BLTP3B: variants seen among roughly 807,000 people sequenced by gnomAD.
BLTP3B encodes UHRF1 (ICBP90) binding protein 1-like.
the BLTP3B span, among the ~76,000 whole-genome samples, chr12:100,095,410 C>G: frequency 6.6e-6 from 1 of 152,162 alleles, no homozygotes; most frequent in East Asian, 1.9e-4. Context: ...ACTTCCTAAA[C>G]AGAGGTATTA....
the BLTP3B span, chr12:100,069,997 G>A: frequency 1.1e-5 from 14 of 1,221,772 alleles, no homozygotes; most frequent in South Asian, 1.6e-4. Flanking sequence ...GACAATGGCC[G>A]TGGTGAATAC....
At chr12:100,088,919 T>C in the BLTP3B span, 6 of 1,551,036 alleles carry the variant, frequency 3.9e-6, no homozygotes, top group South Asian at 5.0e-5. Context: ...TTTTACCTTT[T>C]TCTTTAGCAT....
the BLTP3B span, among the ~76,000 whole-genome samples, chr12:100,061,165 A>C: frequency 1.3e-5 from 2 of 152,162 alleles, no homozygotes; most frequent in East Asian, 3.9e-4. Context: ...TTGGGAATAG[A>C]AATAAAGTGG....
the BLTP3B span, among the ~76,000 whole-genome samples, chr12:100,133,534 AAC>A: frequency 6.6e-6 from 1 of 152,210 alleles, no homozygotes; most frequent in African/African-American, 2.4e-5. Context: ...GCGAGTAGGA[AAC>A]ACCTTAATAG....
At chr12:100,096,421 T>C in the BLTP3B span, among the ~76,000 whole-genome samples, 28 of 152,176 alleles carry the variant, frequency 1.8e-4, no homozygotes, top group South Asian at 8.3e-4. Flanking sequence ...AATTATATAA[T>C]TACTTGTATT....
At chr12:100,142,299 GC>G in the BLTP3B span, among the ~76,000 whole-genome samples, 1 of 152,154 alleles carries the variant, frequency 6.6e-6, no homozygotes, top group African/African-American at 2.4e-5. Context: ...GAGCCGGGAC[GC>G]CCCCAGACGC....
the BLTP3B span, chr12:100,072,839 A>G: frequency 6.4e-7 from 1 of 1,571,650 alleles, no homozygotes; most frequent in South Asian, 1.2e-5. Context: ...AGTTTACTGA[A>G]ATCACACTGA....
chr12:100,066,515 C>T, the BLTP3B span, among the ~76,000 whole-genome samples: 93 of 152,034 alleles, frequency 6.1e-4, no homozygotes, highest in African/African-American at 2.0e-3. Context: ...ATACTCCGGC[C>T]GGGCGTGGTA....
the BLTP3B span, among the ~76,000 whole-genome samples, chr12:100,114,232 C>T: frequency 6.6e-6 from 1 of 152,068 alleles, no homozygotes; most frequent in African/African-American, 2.4e-5. Context: ...TAACATACTT[C>T]CTTGGTTATA....
the BLTP3B span, among the ~76,000 whole-genome samples, chr12:100,086,957 G>C: frequency 6.6e-6 from 1 of 151,976 alleles, no homozygotes; most frequent in Non-Finnish European, 1.5e-5. Flanking sequence ...TCAGGAGTTC[G>C]AGACCAGCCT....
the BLTP3B span, among the ~76,000 whole-genome samples, chr12:100,116,448 C>CAA: frequency 5.4e-3 from 301 of 55,884 alleles, 4 homozygotes; most frequent in South Asian, 0.035. Context: ...GATCCTGTCT[C>CAA]AAAAAAAAAA....
chr12:100,139,050 T>C, the BLTP3B span, among the ~76,000 whole-genome samples: 1 of 152,178 alleles, frequency 6.6e-6, no homozygotes, highest in South Asian at 2.1e-4. Context: ...GGGCAGTTTC[T>C]CCTTCAAAAG....
At chr12:100,060,778 T>C in the BLTP3B span, among the ~76,000 whole-genome samples, 3 of 152,204 alleles carry the variant, frequency 2.0e-5, no homozygotes, top group African/African-American at 7.2e-5. Context: ...TCAGAGCACC[T>C]TGAAGATCTT....
At chr12:100,057,804 A>T in the BLTP3B span, 1 of 1,464,000 alleles carries the variant, frequency 6.8e-7, no homozygotes, top group Non-Finnish European at 9.1e-7. Flanking sequence ...CTATCTAAAA[A>T]ATACTTCTAA....
the BLTP3B span, among the ~76,000 whole-genome samples, chr12:100,040,891 T>C: frequency 6.6e-6 from 1 of 152,144 alleles, no homozygotes; most frequent in Non-Finnish European, 1.5e-5. Flanking sequence ...TTATCAAACA[T>C]TTAAAGAATA....
At chr12:100,078,710 A>G in the BLTP3B span, among the ~76,000 whole-genome samples, 8 of 152,206 alleles carry the variant, frequency 5.3e-5, no homozygotes, top group African/African-American at 1.9e-4. Flanking sequence ...AGTCCTGAGG[A>G]AAAGTTTCAC....
chr12:100,058,155 T>C, the BLTP3B span: 1 of 1,613,360 alleles, frequency 6.2e-7, no homozygotes, highest in Admixed American at 1.7e-5. Context: ...CTCTATGGTT[T>C]CATTTCCTTT....
the BLTP3B span, among the ~76,000 whole-genome samples, chr12:100,094,751 G>A: frequency 3.9e-5 from 6 of 152,124 alleles, no homozygotes; most frequent in Non-Finnish European, 7.4e-5. Context: ...TCCCAGCTAC[G>A]CGGGGGGCTG....
At chr12:100,086,184 C>CAAAT in the BLTP3B span, 2 of 799,500 alleles carry the variant, frequency 2.5e-6, no homozygotes, top group Non-Finnish European at 3.6e-6. Context: ...TTCTTGTTAA[C>CAAAT]AAATAAAAGC....
Sources: allele counts gnomAD v4.1 joint callset (sites outside exome capture counted in the v4.1 genomes callset), GRCh38; gene constraint gnomAD v4.1.1; transcripts MANE v1.5; gene names NCBI Gene and HGNC (gene_info 2026-07-23, HGNC 2026-07-21).